PAN3: variants seen among roughly 807,000 people sequenced by gnomAD.
The protein encoded by PAN3 is PAN2-PAN3 deadenylation complex subunit PAN3.
PAN3 carries 19 observed loss-of-function variants against 96.2 expected under a neutral mutation model. The observed-to-expected ratio is 0.20, with a 90% CI of 0.14 to 0.29. The LOEUF is 0.29. Among genes scored for constraint, PAN3 ranks in the 10% least tolerant of loss-of-function variants. The pLI, the probability that PAN3 is intolerant of heterozygous loss-of-function variation, is 1.00. For missense variants in PAN3, 882 were observed against 1,108.1 expected, an observed-to-expected ratio of 0.80 and a Z score of 2.90; for synonymous variants, 433 against 406.6, an observed-to-expected ratio of 1.06 and a Z score of -0.78.
At chr13:28,162,563 G>T (rs1873010646) in intron 1 of PAN3, among the ~76,000 whole-genome samples, 1 of 151,828 alleles carries the variant, frequency 6.6e-6, no homozygotes. Context: ...GCGCACACCT[G>T]TAGAACCCAG....
intron 10 of PAN3, 35 bp from the exon 11 acceptor site, chr13:28,267,060 T>C: frequency 6.5e-7 from 1 of 1,537,246 alleles, no homozygotes; most frequent in Non-Finnish European, 8.9e-7. Context: ...GAGACGTCAA[T>C]TAGAGTTTAC....
chr13:28,183,055 G>T (rs1465580047), intron 4 of PAN3, among the ~76,000 whole-genome samples: 4 of 152,092 alleles, frequency 2.6e-5, no homozygotes, highest in African/African-American at 9.7e-5. Context: ...AGTAAATTTG[G>T]AGAAATTAAT....
intron 6 of PAN3, chr13:28,232,628 TAA>T (rs1882695778): frequency 6.6e-6 from 1 of 151,828 alleles, no homozygotes. Context: ...AAAAAATTTA[TAA>T]AGATTAAAAA....
chr13:28,162,719 C>T (rs1299926918), intron 1 of PAN3, among the ~76,000 whole-genome samples: 2 of 151,366 alleles, frequency 1.3e-5, no homozygotes, highest in African/African-American at 2.4e-5. Flanking sequence ...TAACTCATGC[C>T]TGTAGTCCCA....
intron 1 of PAN3, among the ~76,000 whole-genome samples, chr13:28,146,242 T>A (rs1870613285): frequency 6.6e-6 from 1 of 151,880 alleles, no homozygotes; most frequent in Admixed American, 6.6e-5. Flanking sequence ...CTAGTATATA[T>A]ATTAAAATAT....
chr13:28,217,598 CAAAAAAAAA>C (rs11426953), intron 5 of PAN3, among the ~76,000 whole-genome samples: 1 of 130,786 alleles, frequency 7.6e-6, no homozygotes, highest in African/African-American at 3.1e-5. Flanking sequence ...AAAAAAAAAA[CAAAAAAAAA>C]ATTGTGGGGT....
chr13:28,191,703 T>G (rs2138196974), intron 4 of PAN3, among the ~76,000 whole-genome samples: 1 of 152,358 alleles, frequency 6.6e-6, no homozygotes, highest in Middle Eastern at 3.4e-3. Flanking sequence ...CAAATCTGAT[T>G]TTGTCATTTA....
At chr13:28,280,705 G>GCGTGAGCCAT (rs1887403540) in intron 16 of PAN3, among the ~76,000 whole-genome samples, 164 bp downstream of exon 16, 1 of 151,888 alleles carries the variant, frequency 6.6e-6, no homozygotes, top group East Asian at 1.9e-4. Context: ...GGGATTACAG[G>GCGTGAGCCAT]TGTACGCCAC....
intron 4 of PAN3, among the ~76,000 whole-genome samples, chr13:28,193,736 T>TAAAAAA (rs35597675): frequency 1.0e-4 from 11 of 108,142 alleles, no homozygotes; most frequent in African/African-American, 4.3e-4. Context: ...GACCCTGACT[T>TAAAAAA]AAAAAAAAAA....
intron 6 of PAN3, among the ~76,000 whole-genome samples, chr13:28,239,048 T>C (rs1056652751): frequency 6.6e-6 from 1 of 152,124 alleles, no homozygotes; most frequent in Admixed American, 6.5e-5. Flanking sequence ...TAAGGAATTA[T>C]GTAACATTTC....
chr13:28,283,687 T>C (rs1301505562), intron 17 of PAN3, among the ~76,000 whole-genome samples: 1 of 152,266 alleles, frequency 6.6e-6, no homozygotes, highest in Non-Finnish European at 1.5e-5. Context: ...TTTACAAATA[T>C]GACCTGACTT....
intron 4 of PAN3, among the ~76,000 whole-genome samples, chr13:28,192,154 C>T (rs1037264684): frequency 1.3e-5 from 2 of 151,676 alleles, no homozygotes; most frequent in African/African-American, 4.8e-5. Context: ...ACTGCAGCCT[C>T]CGCCTCCTGG....
chr13:28,272,040 A>C lies in PAN3; in HGVS notation c.2018A>C (p.Asn673Thr). The change falls in exon 14 of 19, where the codon AAT becomes ACT. Residue 673 changes from asparagine (N) to threonine (T), a missense_variant. This residue lies in a region of PAN3 where 364 missense variants were observed against 513.6 expected (regional missense o/e 0.71). Transcript: ENST00000380958. Reference protein sequence around the residue: ...DVLTFDNSQNNNPLALMAQYQ... With the variant: ...DVLTFDNSQNTNPLALMAQYQ... ...TTAACATTTGATAACAGTCAAAATA[A>C]TAATCCATTGGCATTAATGGCCCAG... is the stretch of plus-strand genomic sequence containing the variant. 6.3e-7 allele frequency: 1 copy of C among 1,591,548 alleles called. No individual in the cohort carries two copies. The highest frequency in any genetic ancestry group is 8.6e-7 in the Non-Finnish European group (1 of 1,163,478).
chr13:28,141,472 T>C (rs1869821039), intron 1 of PAN3, among the ~76,000 whole-genome samples: 1 of 141,564 alleles, frequency 7.1e-6, no homozygotes, highest in Admixed American at 7.0e-5. Context: ...CTTTTTTTTT[T>C]TTTTTTTTTT....
At chr13:28,196,129 G>C (rs1444502119) in intron 4 of PAN3, among the ~76,000 whole-genome samples, 1 of 151,684 alleles carries the variant, frequency 6.6e-6, no homozygotes, top group South Asian at 2.1e-4. Context: ...AAAGTGCTGG[G>C]ATTACAGGCA....
At chr13:28,247,987 A>T (rs1254722728) in intron 6 of PAN3, among the ~76,000 whole-genome samples, 1 of 152,172 alleles carries the variant, frequency 6.6e-6, no homozygotes, top group Non-Finnish European at 1.5e-5. Context: ...GACTGTGTTG[A>T]ATCTGTAGAT....
chr13:28,153,772 C>T (rs1871716266), intron 1 of PAN3, among the ~76,000 whole-genome samples: 1 of 152,096 alleles, frequency 6.6e-6, no homozygotes, highest in Non-Finnish European at 1.5e-5. Context: ...CAAGATTTAG[C>T]AAAATAATTG....
At chr13:28,279,638 T>C (rs1887306853) in intron 15 of PAN3, among the ~76,000 whole-genome samples, 1 of 151,302 alleles carries the variant, frequency 6.6e-6, no homozygotes, top group Admixed American at 6.6e-5. Flanking sequence ...CGCACGCCTG[T>C]AGTCCCAGTT....
intron 14 of PAN3, among the ~76,000 whole-genome samples, chr13:28,272,757 CAG>C (rs1214237316): frequency 6.6e-6 from 1 of 152,030 alleles, no homozygotes; most frequent in African/African-American, 2.4e-5. Context: ...TTAGTAAAGA[CAG>C]GGTTTCTCCA....
Sources: allele counts gnomAD v4.1 joint callset (sites outside exome capture counted in the v4.1 genomes callset), GRCh38; gene constraint gnomAD v4.1.1; regional missense constraint gnomAD v4.1.1; transcripts MANE v1.5; gene names NCBI Gene and HGNC (gene_info 2026-07-23, HGNC 2026-07-21).